The following SLC30A4 variants were observed in gnomAD, a reference collection of about 807,000 sequenced individuals.
SLC30A4 encodes the protein solute carrier family 30 member 4.
A neutral mutation model predicts 41.7 loss-of-function variants in SLC30A4; 20 were observed. That is an observed-to-expected ratio of 0.48 (90% CI 0.34 to 0.70). The LOEUF is 0.70. Among genes scored for constraint, SLC30A4 ranks in the 30% least tolerant of loss-of-function variants. The pLI is 0.01. For synonymous variants in SLC30A4, 181 were observed against 195.9 expected (o/e 0.92, Z 0.64); for missense variants, 441 against 529.3 (o/e 0.83, Z 1.64).
chr15:45,502,899 G>A (rs1231998536), intron 3 of SLC30A4: 1 of 151,826 alleles, frequency 6.6e-6, no homozygotes, highest in African/African-American at 2.4e-5. Context: ...GAGGCTGCGA[G>A]GGTAAGATTT....
rs1053799244 is a variant in SLC30A4 at position 45,480,928 on chromosome 15, G to C, written c.*4235C>G. ...CAGTGTGCAGAGAAATCTGGATCTG[G>C]AACAACCAGCCATTTTAAAAAGGTT... On this transcript the variant is annotated 3_prime_UTR_variant, in exon 8 of 8. Transcript: ENST00000261867. 1.3e-5 allele frequency: 2 copies of C among 152,192 alleles called. No homozygotes were observed. The highest frequency in any genetic ancestry group is 2.9e-5 in the Non-Finnish European group (2 of 68,032). The allele number at this position is 152,192 out of a possible 1,614,324, so 9.4% of individuals were successfully genotyped here.
intron 1 of SLC30A4, 46 bp from the exon 2 acceptor site, chr15:45,522,514 T>C (rs1892708537): frequency 3.0e-6 from 2 of 675,582 alleles, no homozygotes; most frequent in African/African-American, 3.7e-5. Context: ...CCCAACCCTG[T>C]CCTCAAGTTC....
At chr15:45,491,725 T>C (rs1304040766) in intron 3 of SLC30A4, among the ~76,000 whole-genome samples, 1 of 152,076 alleles carries the variant, frequency 6.6e-6, no homozygotes, top group Non-Finnish European at 1.5e-5. Flanking sequence ...AAAAATTAGC[T>C]GGACATGGTG....
In SLC30A4 at chr15:45,483,318, T is replaced by A. The variant is rs1891633611; in HGVS notation, c.*1845A>T. ...GAATTTCAACTTACAATTTGCCTGG[T>A]ACATTGTTACCCTACTCTGATTCTT... On this transcript the variant is annotated 3_prime_UTR_variant, in exon 8 of 8. Coordinates refer to ENST00000261867, the MANE Select transcript of SLC30A4 (RefSeq NM_013309.6). The A allele has an allele frequency of 6.6e-6, 1 of 152,254 alleles. No individual in the cohort carries two copies. The highest frequency in any genetic ancestry group is 6.5e-5 in the Admixed American group (1 of 15,284). The allele number at this position is 152,254 out of a possible 1,614,324, so 9.4% of individuals were successfully genotyped here.
intron 2 of SLC30A4, among the ~76,000 whole-genome samples, chr15:45,512,640 C>T (rs1480646464): frequency 2.0e-5 from 3 of 152,140 alleles, no homozygotes; most frequent in Non-Finnish European, 2.9e-5. Context: ...TGTTAAACAA[C>T]ATGAAGTTTT....
At chr15:45,511,358 G>T in intron 2 of SLC30A4, 74 bp from the exon 3 acceptor site, 1 of 973,964 alleles carries the variant, frequency 1.0e-6, no homozygotes, top group East Asian at 2.6e-5. Flanking sequence ...CTAGAAATAT[G>T]CAATATCCTA....
At chr15:45,520,784 T>C in intron 2 of SLC30A4, 2 of 248,746 alleles carry the variant, frequency 8.0e-6, no homozygotes, top group Non-Finnish European at 1.6e-5. Flanking sequence ...GTTATACATA[T>C]ATTTATACAC....
chr15:45,483,090 A>G lies in SLC30A4; in HGVS notation c.*2073T>C, dbSNP rs1891629155. The stretch of plus-strand genomic sequence containing the variant: ...TGAGCCACTGTGTCTGGCCACATAA[A>G]TTTTCAGTTCAATTCAACAAACATC... On this transcript the variant is annotated 3_prime_UTR_variant, in exon 8 of 8. Transcript: ENST00000261867. 6.6e-6 allele frequency: 1 copy of G among 152,104 alleles called. No individual in the cohort carries two copies. The highest frequency in any genetic ancestry group is 6.6e-5 in the Admixed American group (1 of 15,254). The allele number at this position is 152,104 out of a possible 1,614,324, so 9.4% of individuals were successfully genotyped here. A position where few individuals can be genotyped will look rare whatever the true frequency, so the allele number is the denominator to read the frequency against.
rs1023084122 is a variant in SLC30A4, at chr15:45,484,946, T to C, written c.*217A>G. ...GAGTCACATCTCATTCTGTAAACAG[T>C]GTTTGGGAAACATCTTCATCTGAAA... On this transcript the variant is annotated 3_prime_UTR_variant, in exon 8 of 8. Coordinates refer to ENST00000261867, the MANE Select transcript of SLC30A4 (RefSeq NM_013309.6). The C allele has an allele frequency of 1.9e-6, 1 of 528,604 alleles. No individual in the cohort carries two copies. The highest frequency in any genetic ancestry group is 3.3e-6 in the Non-Finnish European group (1 of 301,500). The allele number at this position is 528,604 out of a possible 1,614,324, so 32.7% of individuals were successfully genotyped here. A position where few individuals can be genotyped will look rare whatever the true frequency, so the allele number is the denominator to read the frequency against.
chr15:45,481,521 C>T lies in SLC30A4; in HGVS notation c.*3642G>A, dbSNP rs956130235. 1.3e-5 allele frequency: 2 copies of T among 152,210 alleles called. No homozygotes were observed. The highest frequency in any genetic ancestry group is 2.9e-5 in the Non-Finnish European group (2 of 68,036). 9.4% of individuals were successfully genotyped at this position (152,210 alleles called of 1,614,324 possible). A position where few individuals can be genotyped will look rare whatever the true frequency, so the allele number is the denominator to read the frequency against. On this transcript the variant is annotated 3_prime_UTR_variant, in exon 8 of 8. Coordinates refer to ENST00000261867, the MANE Select transcript of SLC30A4 (RefSeq NM_013309.6). The stretch of plus-strand genomic sequence containing the variant: ...TGCAAATACTAATTAAAATATATCA[C>T]ACCAAAGAACTGCCAAGTTTTTATA...
intron 3 of SLC30A4, among the ~76,000 whole-genome samples, chr15:45,509,549 T>G (rs1892235870): frequency 6.6e-6 from 1 of 151,952 alleles, no homozygotes; most frequent in Non-Finnish European, 1.5e-5. Flanking sequence ...CCACCGTGCC[T>G]GGCCAGGAAC....
intron 3 of SLC30A4, among the ~76,000 whole-genome samples, chr15:45,500,968 G>C (rs1038923467): frequency 1.3e-5 from 2 of 150,288 alleles, no homozygotes; most frequent in African/African-American, 4.9e-5. Context: ...ACAGGCGTGA[G>C]TATTTTTATA....
chr15:45,522,391 G>A lies in SLC30A4; in HGVS notation c.-37C>T. Reference sequence around the variant, plus strand: ...AGCGGCCGCGGTGCGGAACGGCTTGGGGGAGGCGGACGGCCGGCGGCGCCT... The same window carrying A: ...AGCGGCCGCGGTGCGGAACGGCTTGAGGGAGGCGGACGGCCGGCGGCGCCT... On this transcript the variant is annotated 5_prime_UTR_variant, in exon 2 of 8. Transcript: ENST00000261867. The A allele has an allele frequency of 6.5e-7, 1 of 1,539,738 alleles. No homozygotes were observed. The highest frequency in any genetic ancestry group is 8.7e-7 in the Non-Finnish European group (1 of 1,150,182).
intron 1 of SLC30A4, 40 bp downstream of exon 1, chr15:45,522,567 C>A (rs1258321885): frequency 8.3e-6 from 4 of 483,644 alleles, no homozygotes; most frequent in Non-Finnish European, 1.4e-5. Context: ...CCCGACGCTC[C>A]GCCGGGGCTC....
In SLC30A4 at chr15:45,490,722, GC is replaced by G; in HGVS notation, c.692+5del. On this transcript the variant is annotated splice_donor_5th_base_variant and intron_variant, in intron 4 of 7. Transcript: ENST00000261867. ...AAAATATTAATGTGAAAAAAATAGA[GC>G]TTACATTACATTAACTGCAACTCCA... The G allele has an allele frequency of 6.3e-7, 1 of 1,587,204 alleles. No homozygotes were observed. Among genetic ancestry groups the G allele is most frequent in the Non-Finnish European group, 8.6e-7 (1 of 1,167,288 alleles).
chr15:45,489,440 G>A (rs1392610767), intron 4 of SLC30A4, among the ~76,000 whole-genome samples: 7 of 151,862 alleles, frequency 4.6e-5, no homozygotes, highest in African/African-American at 7.3e-5. Flanking sequence ...TGTTCTAGGC[G>A]GAAGAATAGC....
Position 45,484,193 on chromosome 15 carries a change from T to A in SLC30A4, c.*970A>T, listed in dbSNP as rs2140807220. 1 of 152,666 alleles carries A rather than the reference T, an allele frequency of 6.6e-6. No homozygotes were observed. The highest frequency in any genetic ancestry group is 2.1e-4 in the South Asian group (1 of 4,834). 9.5% of individuals were successfully genotyped at this position (152,666 alleles called of 1,614,324 possible). ...TACCCTGAAAGGCTAAACACACAGA[T>A]GACCTGGAGTGGAGGCAGGAACCAA... On this transcript the variant is annotated 3_prime_UTR_variant, in exon 8 of 8. Coordinates refer to ENST00000261867, the MANE Select transcript of SLC30A4 (RefSeq NM_013309.6).
rs1303556770 is a variant in SLC30A4, at chr15:45,513,155, G to C, written c.392-1871C>G. On this transcript the variant is annotated intron_variant, in intron 2 of 7. Coordinates refer to ENST00000261867, the MANE Select transcript of SLC30A4 (RefSeq NM_013309.6). Reference sequence around the variant, plus strand: ...TCTCTACCAAAAAATAAATAAGAAAGAAAAAGAAAAATGGTTAGTGAAACT... The same window carrying C: ...TCTCTACCAAAAAATAAATAAGAAACAAAAAGAAAAATGGTTAGTGAAACT... Among the ~76,000 whole-genome samples the C allele has an allele frequency of 2.1e-5, 3 of 142,308 alleles. No homozygotes were observed. The South Asian group carries it at 6.9e-4, about 33-fold the overall frequency. The allele number at this position is 142,308 out of a possible 152,430, so 93.4% of individuals were successfully genotyped here.
intron 3 of SLC30A4, among the ~76,000 whole-genome samples, chr15:45,501,816 C>T (rs1187185537): frequency 2.0e-5 from 3 of 152,052 alleles, no homozygotes. Flanking sequence ...ACAATTAGTG[C>T]CAGACACAGA....
Sources: allele counts gnomAD v4.1 joint callset (sites outside exome capture counted in the v4.1 genomes callset), GRCh38; gene constraint gnomAD v4.1.1; transcripts MANE v1.5; gene names NCBI Gene and HGNC (gene_info 2026-07-23, HGNC 2026-07-21).